FRMPD4: variants seen among roughly 807,000 people sequenced by gnomAD.
The protein encoded by FRMPD4 is FERM and PDZ domain-containing protein 4.
In FRMPD4, 22 loss-of-function variants were observed where a neutral mutation model predicts 94.1. The observed-to-expected ratio is 0.23, with a 90% CI of 0.17 to 0.33. The LOEUF (loss-of-function observed/expected upper bound fraction) is 0.33. Ranked by LOEUF, FRMPD4 falls within the 10% of genes least tolerant of loss-of-function variation. FRMPD4 has a pLI of 1.00. For synonymous variants in FRMPD4, 631 were observed against 548.6 expected (o/e 1.15, Z -2.10); for missense variants, 1,111 against 1,339.9 (o/e 0.83, Z 2.67).
intron 4 of FRMPD4, among the ~76,000 whole-genome samples, chrX:12,655,753 A>G (rs1344245667): frequency 8.9e-6 from 1 of 112,176 alleles, no homozygotes; most frequent in Non-Finnish European, 1.9e-5. Flanking sequence ...ATGGAAAGAA[A>G]GCTTTCATCC....
chrX:12,677,477 TAAA>T (rs35199206), intron 5 of FRMPD4, among the ~76,000 whole-genome samples: 33,211 of 98,611 alleles, frequency 0.34, 4,679 homozygotes, highest in Non-Finnish European at 0.44. Flanking sequence ...TTGCTTTTTG[TAAA>T]AAAAAAAAAA....
At chrX:12,375,049 T>A (rs1327191695) in intron 1 of FRMPD4, 2 of 112,070 alleles carry the variant, frequency 1.8e-5, no homozygotes, top group African/African-American at 6.5e-5. Context: ...GGCTGTCCAA[T>A]CCCGACCTAG....
intron 3 of FRMPD4, among the ~76,000 whole-genome samples, chrX:11,927,511 A>G (rs1243957101): frequency 8.9e-6 from 1 of 112,069 alleles, no homozygotes; most frequent in Non-Finnish European, 1.9e-5. Flanking sequence ...CTACAGGGCT[A>G]CAGTAACCAA....
intron 3 of FRMPD4, among the ~76,000 whole-genome samples, chrX:12,082,634 C>G (rs1439628040): frequency 1.8e-5 from 2 of 111,345 alleles, no homozygotes; most frequent in African/African-American, 6.5e-5. Context: ...CAGAAGAAGA[C>G]AGGAAAATGT....
At chrX:12,312,831 A>G (rs1392181454) in intron 1 of FRMPD4, among the ~76,000 whole-genome samples, 1 of 103,081 alleles carries the variant, frequency 9.7e-6, no homozygotes, top group East Asian at 3.6e-4. Context: ...CTGCAAATTG[A>G]CACCATTCCC....
At chrX:12,691,361 C>T (rs963744168) in intron 8 of FRMPD4, among the ~76,000 whole-genome samples, 13 of 110,464 alleles carry the variant, frequency 1.2e-4, no homozygotes, top group Admixed American at 4.8e-4. Context: ...TAGCTTATTG[C>T]AGTCTTGAAC....
intron 1 of FRMPD4, among the ~76,000 whole-genome samples, chrX:12,461,718 G>T (rs958798120): frequency 9.0e-6 from 1 of 111,532 alleles, no homozygotes; most frequent in African/African-American, 3.3e-5. Context: ...ACTTAAATGG[G>T]AGTGGGGGTT....
chrX:12,022,772 CT>C (rs1364931904), intron 3 of FRMPD4, among the ~76,000 whole-genome samples: 5 of 110,940 alleles, frequency 4.5e-5, no homozygotes, highest in African/African-American at 1.6e-4. Context: ...GGGTATTTAT[CT>C]CAAACTTCTT....
At chrX:12,699,066 C>T (rs1347028851) in intron 9 of FRMPD4, among the ~76,000 whole-genome samples, 1 of 111,899 alleles carries the variant, frequency 8.9e-6, no homozygotes, top group African/African-American at 3.3e-5. Flanking sequence ...ATAGCAGTTG[C>T]TGAAGAAAAT....
In FRMPD4 at chrX:12,262,247, CAT is replaced by C. The variant is rs1461469037; in HGVS notation, c.41+123238_41+123239del. 5.4e-5 allele frequency among the ~76,000 whole-genome samples: 6 copies of C among 111,991 alleles called. 1 individual carries two copies. Among genetic ancestry groups the C allele is most frequent in the Admixed American group, 2.8e-4 (3 of 10,555 alleles). ...CCTGTTTGGCCTGCATAGCATAAAA[CAT>C]ATTTTTTTTATTTTAAAATATTATT... On this transcript the variant is annotated intron_variant, in intron 1 of 16. Coordinates refer to ENST00000675598, the MANE Select transcript of FRMPD4 (RefSeq NM_001368397.1).
At chrX:12,448,637 G>A (rs758475674) in intron 1 of FRMPD4, among the ~76,000 whole-genome samples, 1 of 112,449 alleles carries the variant, frequency 8.9e-6, no homozygotes, top group Non-Finnish European at 1.9e-5. Context: ...TTTGTGCAAG[G>A]AAGACTAATA....
intron 2 of FRMPD4, among the ~76,000 whole-genome samples, chrX:12,518,373 C>T (rs770385527): frequency 6.3e-5 from 7 of 111,758 alleles, no homozygotes; most frequent in Non-Finnish European, 1.3e-4. Flanking sequence ...TGGCTGATAC[C>T]AGACAAAGAC....
At chrX:12,203,376 A>G (rs1171427743) in intron 1 of FRMPD4, among the ~76,000 whole-genome samples, 1 of 111,852 alleles carries the variant, frequency 8.9e-6, no homozygotes, top group Non-Finnish European at 1.9e-5. Flanking sequence ...AGAACACTTA[A>G]TGGGGTCATT....
At chrX:12,306,129 G>A (rs1328271390) in intron 1 of FRMPD4, among the ~76,000 whole-genome samples, 1 of 108,507 alleles carries the variant, frequency 9.2e-6, no homozygotes, top group Non-Finnish European at 1.9e-5. Context: ...CCCAGTAGAC[G>A]TTAGCTAATA....
chrX:12,640,137 AAAAATACAG>A (rs1250547487), intron 4 of FRMPD4, among the ~76,000 whole-genome samples: 1 of 108,838 alleles, frequency 9.2e-6, no homozygotes, highest in Non-Finnish European at 1.9e-5. Flanking sequence ...CATCTCTACT[AAAAATACAG>A]AAATTAGCCA....
At chrX:12,501,926 T>C (rs2057926124) in intron 2 of FRMPD4, among the ~76,000 whole-genome samples, 1 of 112,188 alleles carries the variant, frequency 8.9e-6, no homozygotes, top group African/African-American at 3.2e-5. Flanking sequence ...CTGGGTAACC[T>C]GTTATCTATA....
chrX:12,283,337 G>A (rs2054553687), intron 1 of FRMPD4, among the ~76,000 whole-genome samples: 1 of 113,074 alleles, frequency 8.8e-6, no homozygotes, highest in African/African-American at 3.2e-5. Flanking sequence ...TGTTTTTCAA[G>A]TTCTTGAGAT....
chrX:12,335,179 G>T (rs777374228), intron 1 of FRMPD4, among the ~76,000 whole-genome samples: 2 of 108,158 alleles, frequency 1.8e-5, no homozygotes, highest in Non-Finnish European at 3.8e-5. Context: ...TGTCACCTAG[G>T]CTAGAGTGCA....
chrX:12,640,317 A>AAAG lies in FRMPD4; in HGVS notation c.422+25438_422+25439insGAA, dbSNP rs1555999401. On this transcript the variant is annotated intron_variant, in intron 4 of 16. Coordinates refer to ENST00000675598, the MANE Select transcript of FRMPD4 (RefSeq NM_001368397.1). ...GTCTCAAAAAAAAAAAAAAAAAAAA[A>AAAG]AAAAAGGTAGTAAGGAGAGAAGGGG... 1.9e-3 allele frequency among the ~76,000 whole-genome samples: 200 copies of AAAG among 104,314 alleles called. 8 individuals carry two copies. The highest frequency in any genetic ancestry group is 6.9e-3 in the African/African-American group (187 of 26,930). The allele number at this position is 104,314 out of a possible 115,157, so 90.6% of individuals were successfully genotyped here.
Sources: gnomAD v4.1 joint callset for allele counts (sites outside exome capture counted in the v4.1 genomes callset) on GRCh38, gnomAD v4.1.1 for gene constraint, MANE v1.5 for transcripts, NCBI Gene and HGNC (gene_info 2026-07-23, HGNC 2026-07-21) for gene names.